THSD7A: variants seen among roughly 807,000 people sequenced by gnomAD.
THSD7A encodes the protein thrombospondin type 1 domain containing 7A, also known as thrombospondin type-1 domain-containing protein 7A.
THSD7A carries 96 observed loss-of-function variants against 231.3 expected under a neutral mutation model. That is an observed-to-expected ratio of 0.41 (90% confidence interval 0.35 to 0.49). The LOEUF (loss-of-function observed/expected upper bound fraction) is 0.49, where lower values mean the gene tolerates loss of function less well. Ranked by LOEUF, THSD7A falls within the 20% of genes least tolerant of loss-of-function variation. THSD7A has a pLI of 0.05. For missense variants in THSD7A, 2,290 were observed against 2,070.2 expected (o/e 1.11, Z -2.06); for synonymous variants, 940 against 743.3 (o/e 1.26, Z -4.30).
At chr7:11,653,966 A>G (rs1649487698) in intron 1 of THSD7A, among the ~76,000 whole-genome samples, 1 of 151,746 alleles carries the variant, frequency 6.6e-6, no homozygotes, top group South Asian at 2.1e-4. Context: ...CAAATATATA[A>G]TATTATAGTT....
intron 23 of THSD7A, among the ~76,000 whole-genome samples, chr7:11,386,853 T>A (rs1782764400): frequency 6.6e-6 from 1 of 152,216 alleles, no homozygotes; most frequent in Non-Finnish European, 1.5e-5. Context: ...GGTCTTGGGT[T>A]TACGTCTTTA....
chr7:11,631,235 G>A (rs900675001), intron 2 of THSD7A, among the ~76,000 whole-genome samples: 3 of 152,136 alleles, frequency 2.0e-5, no homozygotes, highest in Non-Finnish European at 4.4e-5. Flanking sequence ...CTCCGTCTCT[G>A]AGGCACAGAT....
In THSD7A at chr7:11,591,074, T is replaced by G. The variant is rs150170226; in HGVS notation, c.1272-433A>C. Among the ~76,000 whole-genome samples the G allele has an allele frequency of 4.4e-3, 674 of 152,214 alleles. 2 individuals are homozygous for G. The highest frequency in any genetic ancestry group is 6.8e-3 in the Middle Eastern group (2 of 292). On this transcript the variant is annotated intron_variant, in intron 3 of 27. Transcript: ENST00000423059. ...TACAAAATAAATGAAAACTGCACAGTGTAGCAAGATTATGCTTGTATATTA... is the reference window on the plus strand; with the variant it reads ...TACAAAATAAATGAAAACTGCACAGGGTAGCAAGATTATGCTTGTATATTA...
In THSD7A at chr7:11,406,755, A is replaced by G. The variant is rs990623191; in HGVS notation, c.4062+155T>C. On this transcript the variant is annotated intron_variant, in intron 21 of 27. Transcript: ENST00000423059. This position sits in a 1 kb window ranked among gnomAD's most constrained non-coding sequence, Gnocchi z 4.7. Reference sequence around the variant, plus strand: ...AGTTTTTGTTATCAAAACTAATTAAATGGTTATAAAATGGCAAGTACATAC... The same window carrying G: ...AGTTTTTGTTATCAAAACTAATTAAGTGGTTATAAAATGGCAAGTACATAC... Among the ~76,000 whole-genome samples, 1 of 152,234 alleles carries G rather than the reference A, an allele frequency of 6.6e-6. No homozygotes were observed. Among genetic ancestry groups the G allele is most frequent in the African/African-American group, 2.4e-5 (1 of 41,464 alleles).
At chr7:11,648,346 T>TC (rs1354989084) in intron 1 of THSD7A, among the ~76,000 whole-genome samples, 2 of 151,954 alleles carry the variant, frequency 1.3e-5, no homozygotes, top group African/African-American at 4.8e-5. Context: ...TATTAAGAAA[T>TC]CCCTTATGAG....
At chr7:11,777,391 CTA>C (rs1288198246) in intron 1 of THSD7A, among the ~76,000 whole-genome samples, 2 of 147,840 alleles carry the variant, frequency 1.4e-5, no homozygotes, top group Non-Finnish European at 3.0e-5. Context: ...GTAAAAAAAA[CTA>C]TGTTTCAGAT....
chr7:11,625,512 T>C (rs1324018086), intron 2 of THSD7A, among the ~76,000 whole-genome samples: 1 of 151,964 alleles, frequency 6.6e-6, no homozygotes, highest in Non-Finnish European at 1.5e-5. Flanking sequence ...CATCTCTCAA[T>C]GAAACTTTTG....
At chr7:11,775,592 A>C (rs548842322) in intron 1 of THSD7A, among the ~76,000 whole-genome samples, 1 of 152,208 alleles carries the variant, frequency 6.6e-6, no homozygotes, top group Admixed American at 6.5e-5. Flanking sequence ...AAAAGGATAA[A>C]TGCTGACTGC....
chr7:11,764,008 G>C (rs1447871269), intron 1 of THSD7A, among the ~76,000 whole-genome samples: 1 of 152,086 alleles, frequency 6.6e-6, no homozygotes, highest in East Asian at 1.9e-4. Flanking sequence ...TTATTAAGTT[G>C]CATCATCCTT....
rs1780239319 is a variant in THSD7A, at chr7:11,593,351, T to C, written c.1174A>G (p.Ile392Val). Reference protein sequence around the residue: ...PAGTRVRTRTIRQFPIGSEKE... With the variant: ...PAGTRVRTRTVRQFPIGSEKE... ...TCACTGCCAATGGGAAACTGCCTGATGGTTCGTGTCCTTACACGAGTGCCT... is the reference window on the plus strand; with the variant it reads ...TCACTGCCAATGGGAAACTGCCTGACGGTTCGTGTCCTTACACGAGTGCCT... The change falls in exon 3 of 28, where the codon ATC becomes GTC. Residue 392 changes from isoleucine to valine, a missense_variant. Transcript: ENST00000423059. 5 of 1,613,918 alleles carry C rather than the reference T, an allele frequency of 3.1e-6. No homozygotes were observed. The African/African-American group carries it at 4.0e-5, about 13-fold the overall frequency.
At chr7:11,615,035 G>T (rs1234738116) in intron 2 of THSD7A, among the ~76,000 whole-genome samples, 2 of 152,156 alleles carry the variant, frequency 1.3e-5, no homozygotes, top group Non-Finnish European at 2.9e-5. Context: ...AAATTTCATA[G>T]ACTGTCTAAT....
rs547846936 is a variant in THSD7A at position 11,674,857 on chromosome 7, T to A, written c.191-37896A>T. On this transcript the variant is annotated intron_variant, in intron 1 of 27. Coordinates refer to ENST00000423059, the MANE Select transcript of THSD7A (RefSeq NM_015204.3). ...ACAGACACAGAATTGAGAATATGAATAACGAGGAAACTCAGTGAGATCCAA... is the reference window on the plus strand; with the variant it reads ...ACAGACACAGAATTGAGAATATGAAAAACGAGGAAACTCAGTGAGATCCAA... 1.0e-3 allele frequency among the ~76,000 whole-genome samples: 153 copies of A among 152,108 alleles called. 2 individuals carry two copies. The highest frequency in any genetic ancestry group is 3.3e-3 in the African/African-American group (137 of 41,494).
At chr7:11,500,065 A>G (rs1010006595) in intron 6 of THSD7A, among the ~76,000 whole-genome samples, 7 of 152,210 alleles carry the variant, frequency 4.6e-5, no homozygotes, top group Admixed American at 1.3e-4. Context: ...AAAGGCAGCT[A>G]AAGAGTAAGA....
chr7:11,612,757 T>C (rs1033764854), intron 2 of THSD7A, among the ~76,000 whole-genome samples: 5 of 152,206 alleles, frequency 3.3e-5, no homozygotes, highest in Admixed American at 1.3e-4. Context: ...CAAAACCTAA[T>C]GCTATCAAAC....
At chr7:11,739,362 A>G (rs566539231) in intron 1 of THSD7A, among the ~76,000 whole-genome samples, 1 of 152,028 alleles carries the variant, frequency 6.6e-6, no homozygotes, top group African/African-American at 2.4e-5. Context: ...AATAACACTT[A>G]TAAGTATTTT....
At chr7:11,562,042 T>C (rs180912833) in intron 4 of THSD7A, among the ~76,000 whole-genome samples, 79 of 152,246 alleles carry the variant, frequency 5.2e-4, no homozygotes, top group African/African-American at 1.8e-3. Flanking sequence ...AGGGAATAGT[T>C]TGACTAGAAT....
intron 23 of THSD7A, chr7:11,384,672 CTT>C (rs1782660484): frequency 6.6e-6 from 1 of 151,962 alleles, no homozygotes; most frequent in South Asian, 2.1e-4. Flanking sequence ...TGGAGATTCT[CTT>C]TTCTATTCTT....
chr7:11,480,765 G>A (rs1786391433), intron 7 of THSD7A, among the ~76,000 whole-genome samples: 1 of 152,006 alleles, frequency 6.6e-6, no homozygotes, highest in Non-Finnish European at 1.5e-5. Flanking sequence ...TAGCAAATTT[G>A]ACTAGGAACA....
At chr7:11,652,974 C>T (rs890322611) in intron 1 of THSD7A, among the ~76,000 whole-genome samples, 4 of 151,778 alleles carry the variant, frequency 2.6e-5, no homozygotes, top group Non-Finnish European at 1.5e-5. Context: ...CCAAAAAAAG[C>T]GAATTGAGGA....
Sources: allele counts gnomAD v4.1 joint callset (sites outside exome capture counted in the v4.1 genomes callset), GRCh38; gene constraint gnomAD v4.1.1; non-coding constraint Gnocchi (gnomAD v3.1); transcripts MANE v1.5; gene names NCBI Gene and HGNC (gene_info 2026-07-23, HGNC 2026-07-21).